The following AP3B1 variants were observed in gnomAD, a reference collection of about 807,000 sequenced individuals.
AP3B1 encodes the protein adaptor related protein complex 3 subunit beta 1, also known as AP-3 complex subunit beta-1.
AP3B1 carries 61 observed loss-of-function variants against 132.5 expected under a neutral mutation model. The ratio of observed to expected loss-of-function variants is 0.46; its 90% CI spans 0.37 to 0.57. AP3B1 has a LOEUF of 0.57. Ranked by LOEUF, AP3B1 falls within the 20% of genes least tolerant of loss-of-function variation. The pLI is 0.00. For synonymous variants in AP3B1, 388 were observed against 438.3 expected, an observed-to-expected ratio of 0.89 and a Z score of 1.43; for missense variants, 1,120 against 1,289.4, an observed-to-expected ratio of 0.87 and a Z score of 2.01.
chr5:78,156,280 G>A lies in AP3B1; in HGVS notation c.1451C>T (p.Ala484Val). 1 of 1,612,484 alleles carries A rather than the reference G, an allele frequency of 6.2e-7. No individual in the cohort carries two copies. The highest frequency in any genetic ancestry group is 1.3e-5 in the African/African-American group (1 of 74,976). ...AQHGEIIKHM[A>V]KLLDSITVPV... ...CACAGTGATACTGTCCAGGAGTTTG[G>A]CCATATGTTTAATAATTTCACCATG... The change falls in exon 14 of 27, where the codon GCC becomes GTC. Residue 484 changes from alanine (A) to valine (V), a missense_variant. Ala to Val is a moderately conservative substitution (Grantham distance 64). Coordinates refer to ENST00000255194, the MANE Select transcript of AP3B1 (RefSeq NM_003664.5).
At chr5:78,183,268 CCT>C (rs1744445198) in intron 7 of AP3B1, among the ~76,000 whole-genome samples, 3 of 152,122 alleles carry the variant, frequency 2.0e-5, no homozygotes, top group African/African-American at 4.8e-5. Flanking sequence ...AGACAGCACC[CCT>C]CTCTCTTTCC....
chr5:78,143,042 TAAG>T (rs1753220351), intron 14 of AP3B1, among the ~76,000 whole-genome samples: 2 of 152,160 alleles, frequency 1.3e-5, no homozygotes, highest in Non-Finnish European at 2.9e-5. Context: ...TAGTTCTAAA[TAAG>T]AATATATGTG....
At position 78,141,314 on chromosome 5, in the gene AP3B1, A is replaced by G. The variant is rs755748656; in HGVS notation, c.1479T>C (p.Pro493=). 9 of 1,612,980 alleles carry G rather than the reference A, an allele frequency of 5.6e-6. No individual in the cohort carries two copies. In the South Asian group the frequency reaches 7.7e-5, roughly 14 times the overall value. The change falls in exon 15 of 27, where the codon CCT becomes CCC. Residue 493 remains proline (P), a synonymous_variant. Coordinates refer to ENST00000255194, the MANE Select transcript of AP3B1 (RefSeq NM_003664.5). ...MAKLLDSITV[P]VARASILWLI... is the part of the protein sequence containing the mutation. ...GCCAAAGAATACTTGCTCTAGCAAC[A>G]GGAACCTAATATGAGAAGCAGATTA...
intron 14 of AP3B1, among the ~76,000 whole-genome samples, chr5:78,142,522 G>C (rs1165340872): frequency 1.3e-5 from 2 of 151,998 alleles, no homozygotes; most frequent in East Asian, 3.9e-4. Context: ...ATACATAGTA[G>C]GATTGTTAAA....
intron 14 of AP3B1, among the ~76,000 whole-genome samples, chr5:78,150,527 T>C (rs1459940059): frequency 6.7e-6 from 1 of 149,878 alleles, no homozygotes. Context: ...TTCAAAAACT[T>C]TGGTTTTAAA....
intron 2 of AP3B1, among the ~76,000 whole-genome samples, chr5:78,255,092 C>T (rs907381388): frequency 6.6e-6 from 1 of 151,324 alleles, no homozygotes; most frequent in African/African-American, 2.4e-5. Flanking sequence ...CAAAAACATA[C>T]AAGATATATA....
In AP3B1 at chr5:78,294,651, A is replaced by T; in HGVS notation, c.-72T>A. ...TCCAAAAGGTTCCAGTCCAGAGGGC[A>T]CGGAACAAAACTAGTTCTCGTACGG... On this transcript the variant is annotated 5_prime_UTR_variant, in exon 1 of 27. Transcript: ENST00000255194. The T allele has an allele frequency of 1.2e-6, 2 of 1,607,586 alleles. No homozygotes were observed. The highest frequency in any genetic ancestry group is 2.7e-5 in the African/African-American group (2 of 75,034).
intron 23 of AP3B1, among the ~76,000 whole-genome samples, chr5:78,036,157 T>C (rs1309219530): frequency 1.3e-5 from 2 of 152,142 alleles, no homozygotes; most frequent in African/African-American, 4.8e-5. Context: ...CTGTCTTCAG[T>C]CTTAAGATAA....
At chr5:78,006,746 T>A (rs987668812) in intron 26 of AP3B1, among the ~76,000 whole-genome samples, 3 of 152,200 alleles carry the variant, frequency 2.0e-5, no homozygotes, top group Admixed American at 6.5e-5. Flanking sequence ...CATCTAGATA[T>A]TTTTCATTTC....
At chr5:78,001,241 TAAACCTGTCA>T (rs1746196280), downstream of AP3B1, 1 of 152,212 alleles carries the variant, frequency 6.6e-6, no homozygotes, top group South Asian at 2.1e-4. Context: ...AAACAGGTAT[TAAACCTGTCA>T]AATTCTGTCT....
intron 22 of AP3B1, chr5:78,087,686 A>G: frequency 1.0e-6 from 1 of 985,352 alleles, no homozygotes; most frequent in South Asian, 4.7e-5. Context: ...AGACCATCTC[A>G]ATAAATACTT....
chr5:78,122,516 A>G (rs1197638928), intron 17 of AP3B1, among the ~76,000 whole-genome samples: 2 of 152,230 alleles, frequency 1.3e-5, no homozygotes, highest in African/African-American at 2.4e-5. Context: ...TACAAAATCA[A>G]TGTGCAAAAA....
rs555125155 is a variant in AP3B1, at chr5:78,277,805, A to G, written c.129-10210T>C. Among the ~76,000 whole-genome samples the G allele has an allele frequency of 1.7e-4, 26 of 152,354 alleles. No individual in the cohort carries two copies. The East Asian group carries it at 5.0e-3, about 29-fold the overall frequency. Reference sequence around the variant, plus strand: ...AGACACAGAAGAACCCTTTCACTGTAAAGTCTCAAAAGGATCCATGATCCC... The same window carrying G: ...AGACACAGAAGAACCCTTTCACTGTGAAGTCTCAAAAGGATCCATGATCCC... On this transcript the variant is annotated intron_variant, in intron 1 of 26. Transcript: ENST00000255194.
At chr5:78,015,358 T>A in intron 26 of AP3B1, 52 bp downstream of exon 26, 1 of 1,562,218 alleles carries the variant, frequency 6.4e-7, no homozygotes, top group Non-Finnish European at 8.8e-7. Flanking sequence ...AATTATATAT[T>A]TATACATATT....
intron 14 of AP3B1, among the ~76,000 whole-genome samples, chr5:78,153,645 T>C (rs1176220653): frequency 1.3e-5 from 2 of 152,194 alleles, no homozygotes; most frequent in Non-Finnish European, 2.9e-5. Context: ...CCTTTCTTCC[T>C]GTTTTCCTTT....
intron 11 of AP3B1, among the ~76,000 whole-genome samples, chr5:78,174,609 G>A (rs1173130804): frequency 6.6e-6 from 1 of 152,166 alleles, no homozygotes; most frequent in Non-Finnish European, 1.5e-5. Context: ...CGTCCCAGAG[G>A]GGCAACCACC....
At chr5:78,237,469 C>A (rs956226924) in intron 3 of AP3B1, among the ~76,000 whole-genome samples, 6 of 151,256 alleles carry the variant, frequency 4.0e-5, no homozygotes, top group Admixed American at 1.3e-4. Context: ...AGTTCCCCCC[C>A]AAAAAAAGCA....
chr5:78,155,841 A>T (rs1481491672), intron 14 of AP3B1, among the ~76,000 whole-genome samples: 1 of 152,098 alleles, frequency 6.6e-6, no homozygotes, highest in East Asian at 1.9e-4. Context: ...CAAAAGAGTA[A>T]ATTTTATAGT....
At chr5:78,137,093 G>C (rs961284810) in intron 15 of AP3B1, among the ~76,000 whole-genome samples, 2 of 151,898 alleles carry the variant, frequency 1.3e-5, no homozygotes, top group African/African-American at 4.8e-5. Flanking sequence ...TCCCCATCCT[G>C]GTTCTTCTTA....
Sources: gnomAD v4.1 joint callset for allele counts (sites outside exome capture counted in the v4.1 genomes callset) on GRCh38, gnomAD v4.1.1 for gene constraint, MANE v1.5 for transcripts, NCBI Gene and HGNC (gene_info 2026-07-23, HGNC 2026-07-21) for gene names.